Variants in SPAG16 observed in about 807,000 individuals in gnomAD.
SPAG16 encodes sperm-associated antigen 16 protein.
Under a neutral mutation model 80.4 loss-of-function variants are expected in SPAG16, and 86 were observed. The observed-to-expected ratio is 1.07, with a 90% confidence interval of 0.90 to 1.28. The LOEUF (loss-of-function observed/expected upper bound fraction) is 1.28. Among genes scored for constraint, SPAG16 ranks in the 50% most tolerant of loss-of-function variants. The pLI is 0.00. For missense variants in SPAG16, 870 were observed against 765.3 expected (o/e 1.14, Z -1.61); for synonymous variants, 294 against 265.9 (o/e 1.11, Z -1.03).
intron 9 of SPAG16, among the ~76,000 whole-genome samples, chr2:213,412,749 A>G (rs2069049793): frequency 6.6e-6 from 1 of 152,200 alleles, no homozygotes; most frequent in East Asian, 1.9e-4. Context: ...GCAATGAAGA[A>G]AATAAATGAA....
intron 15 of SPAG16, among the ~76,000 whole-genome samples, chr2:214,385,457 G>T (rs1214714662): frequency 1.3e-5 from 2 of 152,122 alleles, no homozygotes; most frequent in African/African-American, 4.8e-5. Flanking sequence ...TACCACCAAG[G>T]CATTCTGACT....
intron 8 of SPAG16, among the ~76,000 whole-genome samples, chr2:213,369,321 T>C (rs1485214706): frequency 2.6e-5 from 4 of 152,180 alleles, no homozygotes; most frequent in Non-Finnish European, 5.9e-5. Flanking sequence ...AAATGAGAAA[T>C]ATGTTTTCCT....
intron 15 of SPAG16, among the ~76,000 whole-genome samples, chr2:214,341,524 C>T (rs771161759): frequency 4.6e-5 from 7 of 152,024 alleles, no homozygotes. Flanking sequence ...TTCTAAAAAG[C>T]TTCTGAGATT....
intron 13 of SPAG16, among the ~76,000 whole-genome samples, chr2:214,038,092 T>A (rs892098383): frequency 1.2e-4 from 18 of 152,198 alleles, no homozygotes; most frequent in African/African-American, 3.9e-4. Flanking sequence ...TGTTATTTTA[T>A]GTAATAATTA....
chr2:213,567,391 C>A (rs2059811228), intron 10 of SPAG16, among the ~76,000 whole-genome samples: 1 of 94,178 alleles, frequency 1.1e-5, no homozygotes, highest in Non-Finnish European at 2.0e-5. Flanking sequence ...CCTCCCCCGA[C>A]CCCACCACAG....
chr2:213,560,193 A>T (rs2059559735), intron 10 of SPAG16, among the ~76,000 whole-genome samples: 3 of 152,246 alleles, frequency 2.0e-5, no homozygotes, highest in Admixed American at 2.0e-4. Context: ...AATGCTTAAT[A>T]GGTTTGTGGA....
intron 6 of SPAG16, among the ~76,000 whole-genome samples, chr2:213,350,114 A>G (rs1037074638): frequency 1.1e-4 from 17 of 152,192 alleles, no homozygotes; most frequent in African/African-American, 4.1e-4. Context: ...TGTTTTAAAG[A>G]CTATCCTTTA....
intron 11 of SPAG16, among the ~76,000 whole-genome samples, chr2:213,916,698 A>T (rs146292198): frequency 3.3e-5 from 5 of 152,096 alleles, no homozygotes; most frequent in African/African-American, 2.4e-5. Context: ...TCACAATTCA[A>T]TGTGAGATTT....
intron 10 of SPAG16, among the ~76,000 whole-genome samples, chr2:213,635,772 C>T (rs1253591167): frequency 1.3e-5 from 2 of 152,086 alleles, no homozygotes; most frequent in African/African-American, 2.4e-5. Context: ...ATTTTATATT[C>T]ATGTCCTTTC....
chr2:213,859,532 A>T (rs183722238), intron 10 of SPAG16, among the ~76,000 whole-genome samples: 1 of 152,296 alleles, frequency 6.6e-6, no homozygotes, highest in East Asian at 1.9e-4. Context: ...TGACTTAAGC[A>T]TTTACTGGGA....
chr2:213,992,027 A>G (rs2046311369), intron 12 of SPAG16, among the ~76,000 whole-genome samples: 1 of 152,136 alleles, frequency 6.6e-6, no homozygotes, highest in African/African-American at 2.4e-5. Context: ...AAAATGCCCC[A>G]TGCATACTCA....
chr2:214,282,473 T>C (rs187087278), intron 15 of SPAG16, among the ~76,000 whole-genome samples: 1 of 152,246 alleles, frequency 6.6e-6, no homozygotes, highest in East Asian at 1.9e-4. Flanking sequence ...GTTTAGTCAA[T>C]TGATAGACTG....
rs368682212 is a variant in SPAG16, at chr2:213,647,434, C to G, written c.1070+157344C>G. ...TCTTTTGAGCTTCATTAGGAGCATGCTATTATTTTATTTTGCTCATTCTTT... is the reference window on the plus strand; with the variant it reads ...TCTTTTGAGCTTCATTAGGAGCATGGTATTATTTTATTTTGCTCATTCTTT... On this transcript the variant is annotated intron_variant, in intron 10 of 15. Transcript: ENST00000331683. Among the ~76,000 whole-genome samples, 10 of 152,260 alleles carry G rather than the reference C, an allele frequency of 6.6e-5. No homozygotes were observed. In the East Asian group the frequency reaches 1.2e-3, roughly 18 times the overall value.
At chr2:213,448,507 CT>C (rs1364740299) in intron 9 of SPAG16, among the ~76,000 whole-genome samples, 1 of 152,126 alleles carries the variant, frequency 6.6e-6, no homozygotes, top group African/African-American at 2.4e-5. Flanking sequence ...GTTTAATCAG[CT>C]TGTTTTTAGT....
At chr2:213,545,898 C>T (rs745780069) in intron 10 of SPAG16, among the ~76,000 whole-genome samples, 10 of 152,062 alleles carry the variant, frequency 6.6e-5, no homozygotes, top group African/African-American at 9.7e-5. Context: ...CTTCCATATA[C>T]GAACTTCCAG....
intron 9 of SPAG16, among the ~76,000 whole-genome samples, chr2:213,468,487 A>ATATATC (rs568042318): frequency 9.6e-5 from 10 of 104,694 alleles, no homozygotes; most frequent in African/African-American, 4.6e-4. Context: ...ATAGATATAT[A>ATATATC]TATGTATTTA....
chr2:213,421,340 C>T (rs2069573207), intron 9 of SPAG16, among the ~76,000 whole-genome samples: 1 of 152,218 alleles, frequency 6.6e-6, no homozygotes, highest in African/African-American at 2.4e-5. Flanking sequence ...CGCCATTTGG[C>T]CCCCTCCAGA....
intron 10 of SPAG16, among the ~76,000 whole-genome samples, chr2:213,632,017 A>G (rs1423465643): frequency 1.3e-5 from 2 of 152,102 alleles, no homozygotes; most frequent in Non-Finnish European, 2.9e-5. Flanking sequence ...ATTTCTGTGA[A>G]GAATGTAATT....
intron 10 of SPAG16, among the ~76,000 whole-genome samples, chr2:213,809,021 CT>C (rs1485497993): frequency 6.6e-6 from 1 of 152,180 alleles, no homozygotes; most frequent in African/African-American, 2.4e-5. Flanking sequence ...AAAAGGGCCT[CT>C]TGACTCATTA....
Sources: allele counts gnomAD v4.1 joint callset (sites outside exome capture counted in the v4.1 genomes callset), GRCh38; gene constraint gnomAD v4.1.1; transcripts MANE v1.5; gene names NCBI Gene and HGNC (gene_info 2026-07-23, HGNC 2026-07-21).